Variants in SUGCT observed in about 807,000 individuals in gnomAD.
The protein encoded by SUGCT is succinyl-CoA:glutarate CoA-transferase.
In SUGCT, 41 loss-of-function variants were observed where a neutral mutation model predicts 55.0. The observed-to-expected ratio is 0.74, with a 90% CI of 0.58 to 0.97. The LOEUF is 0.97. Ranked by LOEUF, SUGCT falls within the 50% of genes least tolerant of loss-of-function variation. The pLI, the probability that SUGCT is intolerant of heterozygous loss-of-function variation, is 0.00. For missense variants in SUGCT, 568 were observed against 547.8 expected (o/e 1.04, Z -0.37); for synonymous variants, 187 against 200.4 (o/e 0.93, Z 0.56).
At chr7:40,947,214 C>G in the SUGCT span, among the ~76,000 whole-genome samples, 1 of 152,254 alleles carries the variant, frequency 6.6e-6, no homozygotes, top group South Asian at 2.1e-4. Flanking sequence ...TCTGCCAGCT[C>G]AAATCTGCTG....
intron 12 of SUGCT, among the ~76,000 whole-genome samples, chr7:40,598,093 T>A (rs907867452): frequency 6.6e-6 from 1 of 152,228 alleles, no homozygotes. Context: ...GATTCTCATC[T>A]GCTGGAGTGA....
At chr7:40,245,870 G>A (rs1326592497) in intron 7 of SUGCT, among the ~76,000 whole-genome samples, 1 of 151,948 alleles carries the variant, frequency 6.6e-6, no homozygotes, top group Non-Finnish European at 1.5e-5. Flanking sequence ...AACATTACAA[G>A]TCTTGCTCTG....
chr7:40,404,664 T>G (rs1340779320), intron 9 of SUGCT, among the ~76,000 whole-genome samples: 1 of 152,152 alleles, frequency 6.6e-6, no homozygotes, highest in Non-Finnish European at 1.5e-5. Context: ...CTCGAACCCC[T>G]GACCTCAAGT....
chr7:40,769,891 T>C (rs543378902), intron 13 of SUGCT, among the ~76,000 whole-genome samples: 10 of 152,336 alleles, frequency 6.6e-5, no homozygotes, highest in Non-Finnish European at 1.5e-4. Flanking sequence ...GCAGGAAGCA[T>C]AGCTGTCTGA....
chr7:40,383,040 G>A (rs1784947851), intron 9 of SUGCT, among the ~76,000 whole-genome samples: 3 of 152,112 alleles, frequency 2.0e-5, no homozygotes, highest in African/African-American at 7.2e-5. Flanking sequence ...GACACCCCCT[G>A]CAAAGTGGAG....
chr7:40,374,724 T>A (rs1182671050), intron 9 of SUGCT, among the ~76,000 whole-genome samples: 1 of 152,226 alleles, frequency 6.6e-6, no homozygotes, highest in African/African-American at 2.4e-5. Flanking sequence ...TTTTCTCAGC[T>A]GAGTCACTTA....
chr7:40,372,201 T>A (rs1378282420), intron 9 of SUGCT, among the ~76,000 whole-genome samples: 1 of 152,068 alleles, frequency 6.6e-6, no homozygotes, highest in African/African-American at 2.4e-5. Context: ...GCTGAAAGAT[T>A]CACATGGAGA....
intron 6 of SUGCT, among the ~76,000 whole-genome samples, chr7:40,197,656 A>G (rs751742595): frequency 6.6e-6 from 1 of 152,200 alleles, no homozygotes; most frequent in Non-Finnish European, 1.5e-5. Flanking sequence ...TGTGCTCCCA[A>G]TGCATCTGCT....
intron 12 of SUGCT, among the ~76,000 whole-genome samples, chr7:40,628,462 T>G (rs535426687): frequency 3.3e-5 from 5 of 152,290 alleles, no homozygotes; most frequent in Admixed American, 3.3e-4. Context: ...GCCATTTAAA[T>G]TGGGGGTTCC....
chr7:40,780,646 T>C (rs1297183871), intron 13 of SUGCT, among the ~76,000 whole-genome samples: 1 of 152,082 alleles, frequency 6.6e-6, no homozygotes, highest in African/African-American at 2.4e-5. Context: ...TTGTGTAGAG[T>C]AATTTATCAG....
At chr7:40,291,197 C>G (rs1009595963) in intron 8 of SUGCT, among the ~76,000 whole-genome samples, 3 of 152,102 alleles carry the variant, frequency 2.0e-5, no homozygotes, top group Non-Finnish European at 4.4e-5. Context: ...TATAAAGACA[C>G]ATGCACACGT....
chr7:40,273,749 A>G (rs1584529461), intron 7 of SUGCT, among the ~76,000 whole-genome samples: 2 of 152,310 alleles, frequency 1.3e-5, no homozygotes, highest in Admixed American at 1.3e-4. Flanking sequence ...TTCTTACTGC[A>G]ATAGACAAAA....
chr7:40,719,147 A>G (rs1786182550), intron 12 of SUGCT, among the ~76,000 whole-genome samples: 1 of 152,166 alleles, frequency 6.6e-6, no homozygotes. Context: ...CATCTTTTCT[A>G]TGAAACCCCT....
At chr7:40,324,248 A>T (rs117979727) in intron 9 of SUGCT, among the ~76,000 whole-genome samples, 52,547 of 103,468 alleles carry the variant, frequency 0.51, 13,269 homozygotes, top group East Asian at 0.64. Context: ...TAAATAAATA[A>T]ATAAATATAT....
intron 9 of SUGCT, among the ~76,000 whole-genome samples, chr7:40,378,789 T>C (rs773330145): frequency 8.5e-5 from 13 of 152,224 alleles, no homozygotes; most frequent in Non-Finnish European, 1.6e-4. Flanking sequence ...ATACTTTCTT[T>C]AGTTCTTTAG....
the SUGCT span, chr7:40,967,167 C>G: frequency 6.6e-6 from 1 of 152,208 alleles, no homozygotes; most frequent in Non-Finnish European, 1.5e-5. Context: ...TGTGCCCTCT[C>G]TCCCATCACC....
In SUGCT at chr7:40,300,349, C is replaced by T. The variant is rs550253924; in HGVS notation, c.721-16411C>T. On this transcript the variant is annotated intron_variant, in intron 8 of 13. Coordinates refer to ENST00000335693, the MANE Select transcript of SUGCT (RefSeq NM_001193313.2). ...TTGAATCAGGGTCCAAATTCCTTTT[C>T]GCCAGACTGCTGAGGATGTAAAAAA... Among the ~76,000 whole-genome samples, 93 of 152,194 alleles carry T rather than the reference C, an allele frequency of 6.1e-4. 1 individual carries two copies. In the South Asian group the frequency reaches 6.9e-3, roughly 11 times the overall value.
At chr7:40,249,611 C>T (rs1168682714) in intron 7 of SUGCT, among the ~76,000 whole-genome samples, 3 of 151,432 alleles carry the variant, frequency 2.0e-5, no homozygotes, top group Admixed American at 6.6e-5. Flanking sequence ...AGTATTAGTT[C>T]ACTAACAAAA....
chr7:40,256,714 A>G (rs1003112078), intron 7 of SUGCT, among the ~76,000 whole-genome samples: 1 of 152,044 alleles, frequency 6.6e-6, no homozygotes, highest in African/African-American at 2.4e-5. Flanking sequence ...AAATGTAATC[A>G]CATTTGGAAT....
Sources: allele counts gnomAD v4.1 joint callset (sites outside exome capture counted in the v4.1 genomes callset), GRCh38; gene constraint gnomAD v4.1.1; transcripts MANE v1.5; gene names NCBI Gene and HGNC (gene_info 2026-07-23, HGNC 2026-07-21).